RIPK2: variants seen among roughly 807,000 people sequenced by gnomAD.
RIPK2 encodes receptor interacting serine/threonine kinase 2.
Under a neutral mutation model 60.9 loss-of-function variants are expected in RIPK2, and 38 were observed. That is an observed-to-expected ratio of 0.62 (90% confidence interval 0.48 to 0.82). The LOEUF is 0.82. Ranked by LOEUF, RIPK2 falls within the 40% of genes least tolerant of loss-of-function variation. The pLI, the probability that RIPK2 is intolerant of heterozygous loss-of-function variation, is 0.00. For synonymous variants in RIPK2, 225 were observed against 223.4 expected (o/e 1.01, Z -0.06); for missense variants, 518 against 647.0 (o/e 0.80, Z 2.16).
At chr8:89,767,481 T>C (rs1478886285) in intron 3 of RIPK2, among the ~76,000 whole-genome samples, 1 of 151,548 alleles carries the variant, frequency 6.6e-6, no homozygotes, top group South Asian at 2.1e-4. Context: ...TAGAATAAAG[T>C]GGTAGGGGAA....
At chr8:89,781,886 T>A (rs1006006193) in intron 7 of RIPK2, among the ~76,000 whole-genome samples, 1 of 152,240 alleles carries the variant, frequency 6.6e-6, no homozygotes, top group Non-Finnish European at 1.5e-5. Context: ...AACAATATTC[T>A]GGCATCACTA....
At chr8:89,780,720 A>T (rs1001979394) in intron 7 of RIPK2, 5 of 151,916 alleles carry the variant, frequency 3.3e-5, no homozygotes, top group African/African-American at 1.2e-4. Flanking sequence ...TTTAATGTAC[A>T]TTTTTTTCTG....
chr8:89,773,429 C>T (rs1255848850), intron 6 of RIPK2, among the ~76,000 whole-genome samples: 1 of 152,054 alleles, frequency 6.6e-6, no homozygotes, highest in African/African-American at 2.4e-5. Flanking sequence ...TCTCAAGAAA[C>T]AGTGAGAAGG....
In RIPK2 at chr8:89,778,369, G is replaced by A. The variant is rs368209049; in HGVS notation, c.854-1706G>A. Reference sequence around the variant, plus strand: ...TATCTATACATTCATTGACTTTTTAGTATTAATAATTTTACAGTTTGCAAC... The same window carrying A: ...TATCTATACATTCATTGACTTTTTAATATTAATAATTTTACAGTTTGCAAC... On this transcript the variant is annotated intron_variant, in intron 6 of 10. Coordinates refer to ENST00000220751, the MANE Select transcript of RIPK2 (RefSeq NM_003821.6). Among the ~76,000 whole-genome samples the A allele has an allele frequency of 2.0e-3, 299 of 152,064 alleles. 1 individual carries two copies. Among genetic ancestry groups the A allele is most frequent in the Middle Eastern group, 0.01 (3 of 294 alleles).
intron 1 of RIPK2, chr8:89,759,434 T>C (rs913280562): frequency 2.4e-5 from 11 of 455,674 alleles, no homozygotes; most frequent in African/African-American, 1.6e-4. Context: ...CGATGCCTGA[T>C]TGGCCAGAAG....
rs140705851 is a variant in RIPK2, at chr8:89,761,427, C to T, written c.174-1402C>T. Among the ~76,000 whole-genome samples the T allele has an allele frequency of 6.1e-3, 935 of 152,094 alleles. 12 individuals carry two copies. Among genetic ancestry groups the T allele is most frequent in the African/African-American group, 0.021 (891 of 41,484 alleles). ...GTCACTACAACGCGGGCATTCTATTCACTTAGTGTTTTTCTTTCCATTTCC... is the reference window on the plus strand; with the variant it reads ...GTCACTACAACGCGGGCATTCTATTTACTTAGTGTTTTTCTTTCCATTTCC... On this transcript the variant is annotated intron_variant, in intron 1 of 10. Transcript: ENST00000220751.
Position 89,763,024 on chromosome 8 carries a change from A to T in RIPK2, c.327+42A>T, listed in dbSNP as rs369990855. 70 of 1,194,324 alleles carry T rather than the reference A, an allele frequency of 5.9e-5. No individual in the cohort carries two copies. In the South Asian group the frequency reaches 1.0e-3, roughly 17 times the overall value. 74.0% of individuals were successfully genotyped at this position (1,194,324 alleles called of 1,614,324 possible). A position where few individuals can be genotyped will look rare whatever the true frequency, so the allele number is the denominator to read the frequency against. ...TTTAGTGGCCATAATTGCCATTTTTACTATTCAAACTATATTTTACTTTGA... is the reference window on the plus strand; with the variant it reads ...TTTAGTGGCCATAATTGCCATTTTTTCTATTCAAACTATATTTTACTTTGA... On this transcript the variant is annotated intron_variant, in intron 2 of 10. Transcript: ENST00000220751.
chr8:89,780,236 T>G, intron 7 of RIPK2, 76 bp downstream of exon 7: 3 of 772,178 alleles, frequency 3.9e-6, no homozygotes, highest in Non-Finnish European at 6.2e-6. Flanking sequence ...TTTAGTTAAG[T>G]GTAGTTTTTA....
chr8:89,789,417 G>T lies in RIPK2; in HGVS notation c.1220G>T (p.Cys407Phe), dbSNP rs778668625. ...TCTGGATCTCAAAGGGCTGCATTCT[G>T]TGATCACAAGACCACTCCATGCTCT... ...TISGSQRAAF[C>F]DHKTTPCSSA... Residue 407 changes from cysteine (C) to phenylalanine (F), a missense_variant, in exon 10 of 11, where the codon TGT becomes TTT. Cys to Phe is a radical substitution (Grantham distance 205, BLOSUM62 -2). Transcript: ENST00000220751. 3 of 1,613,978 alleles carry T rather than the reference G, an allele frequency of 1.9e-6. No homozygotes were observed. The Admixed American group carries it at 5.0e-5, about 27-fold the overall frequency.
At position 89,781,580 on chromosome 8, in the gene RIPK2, T is replaced by TA. The variant is rs200893101; in HGVS notation, c.939+1428dup. On this transcript the variant is annotated intron_variant, in intron 7 of 10. Transcript: ENST00000220751. ...TTCCACTCAGGATTGTTCTTTTTTT[T>TA]AAAAAAAATCTTGTATCAATTCTGT... 3.3e-3 allele frequency among the ~76,000 whole-genome samples: 503 copies of TA among 151,372 alleles called. 3 individuals carry two copies. The highest frequency in any genetic ancestry group is 0.012 in the African/African-American group (478 of 41,172).
intron 6 of RIPK2, among the ~76,000 whole-genome samples, chr8:89,773,656 G>A (rs1809349923): frequency 6.6e-6 from 1 of 152,122 alleles, no homozygotes; most frequent in South Asian, 2.1e-4. Flanking sequence ...AGACAAAAGT[G>A]GAAGCAAAGA....
At position 89,757,963 on chromosome 8, in the gene RIPK2, C is replaced by T. The variant is rs1047616913; in HGVS notation, c.-98C>T. On this transcript the variant is annotated 5_prime_UTR_variant, in exon 1 of 11. Coordinates refer to ENST00000220751, the MANE Select transcript of RIPK2 (RefSeq NM_003821.6). The stretch of plus-strand genomic sequence containing the variant: ...CAAAAAGGGTCTTGCCGGCCTCGCT[C>T]GTGCAGGGGCGTATCTGGGCGCCTG... 33 of 1,418,792 alleles carry T rather than the reference C, an allele frequency of 2.3e-5. No homozygotes were observed. In the African/African-American group the frequency reaches 4.3e-4, roughly 18 times the overall value. 87.9% of individuals were successfully genotyped at this position (1,418,792 alleles called of 1,614,324 possible). A position where few individuals can be genotyped will look rare whatever the true frequency, so the allele number is the denominator to read the frequency against.
Position 89,769,949 on chromosome 8 carries a change from G to C in RIPK2, c.641+20G>C. On this transcript the variant is annotated intron_variant, in intron 4 of 10. Transcript: ENST00000220751. ...ATATAGGTAGAGTAAAGTTGCTTCT[G>C]CTCAGATTTAACCTTGTCTCAGACA... is the stretch of plus-strand genomic sequence containing the variant. The C allele has an allele frequency of 6.4e-7, 1 of 1,552,490 alleles. No homozygotes were observed. The highest frequency in any genetic ancestry group is 8.7e-7 in the Non-Finnish European group (1 of 1,154,974).
At chr8:89,781,141 C>T (rs1809492509) in intron 7 of RIPK2, among the ~76,000 whole-genome samples, 2 of 151,928 alleles carry the variant, frequency 1.3e-5, no homozygotes, top group South Asian at 2.1e-4. Context: ...GCAACATCTA[C>T]AATTTTTATC....
At chr8:89,786,519 A>G (rs1809589754) in intron 8 of RIPK2, 74 bp from the exon 9 acceptor site, 2 of 897,796 alleles carry the variant, frequency 2.2e-6, no homozygotes, top group African/African-American at 3.5e-5. Context: ...GATAAGCCAC[A>G]AACAAGAACT....
chr8:89,761,501 C>T (rs1276820641), intron 1 of RIPK2, among the ~76,000 whole-genome samples: 1 of 152,052 alleles, frequency 6.6e-6, no homozygotes, highest in African/African-American at 2.4e-5. Context: ...GTATTAAAAT[C>T]TCCTAACACC....
intron 1 of RIPK2, among the ~76,000 whole-genome samples, chr8:89,760,308 A>G (rs1393677155): frequency 6.6e-6 from 1 of 152,156 alleles, no homozygotes; most frequent in Non-Finnish European, 1.5e-5. Context: ...CTTCTATCCG[A>G]TGAGTGGACC....
rs1809595034 is a variant in RIPK2 at position 89,786,786 on chromosome 8, G to A, written c.1123+100G>A. 3 of 720,496 alleles carry A rather than the reference G, an allele frequency of 4.2e-6. No homozygotes were observed. In the East Asian group the frequency reaches 7.9e-5, roughly 19 times the overall value. The allele number at this position is 720,496 out of a possible 1,614,324, so 44.6% of individuals were successfully genotyped here. On this transcript the variant is annotated intron_variant, in intron 9 of 10. Transcript: ENST00000220751. ...CATGATTTCTATGGAACTTTAATTTGCATATATAACTCATTTTGTAAAGCG... is the reference window on the plus strand; with the variant it reads ...CATGATTTCTATGGAACTTTAATTTACATATATAACTCATTTTGTAAAGCG...
intron 7 of RIPK2, among the ~76,000 whole-genome samples, chr8:89,783,781 G>A (rs1809538427): frequency 6.6e-6 from 1 of 152,054 alleles, no homozygotes; most frequent in Non-Finnish European, 1.5e-5. Context: ...CCTGCATGTA[G>A]GTAATTGTTA....
Sources: gnomAD v4.1 joint callset for allele counts (sites outside exome capture counted in the v4.1 genomes callset) on GRCh38, gnomAD v4.1.1 for gene constraint, MANE v1.5 for transcripts, NCBI Gene and HGNC (gene_info 2026-07-23, HGNC 2026-07-21) for gene names.